NTM: variants seen among roughly 807,000 people sequenced by gnomAD.
The protein encoded by NTM is IgLON family member 2.
NTM carries 13 observed loss-of-function variants against 42.1 expected under a neutral mutation model. That is an observed-to-expected ratio of 0.31 (90% CI 0.20 to 0.49). The LOEUF (loss-of-function observed/expected upper bound fraction) is 0.49, where lower values mean the gene tolerates loss of function less well. Among genes scored for constraint, NTM ranks in the 20% least tolerant of loss-of-function variants. The pLI, the probability that NTM is intolerant of heterozygous loss-of-function variation, is 0.99. For missense variants in NTM, 373 were observed against 452.8 expected (o/e 0.82, Z 1.60); for synonymous variants, 187 against 179.2 (o/e 1.04, Z -0.35).
chr11:131,851,532 C>CGTGCGT (rs1555154796), intron 1 of NTM, among the ~76,000 whole-genome samples: 1 of 146,702 alleles, frequency 6.8e-6, no homozygotes, highest in East Asian at 2.0e-4. Context: ...GTGAGAATGG[C>CGTGCGT]GTGTGTGTGT....
chr11:132,003,435 A>G lies in NTM; in HGVS notation c.167+91787A>G, dbSNP rs1328212077. 2.0e-5 allele frequency among the ~76,000 whole-genome samples: 3 copies of G among 152,006 alleles called. No homozygotes were observed. The highest frequency in any genetic ancestry group is 4.4e-5 in the Non-Finnish European group (3 of 68,008). On this transcript the variant is annotated intron_variant, in intron 2 of 8. Coordinates refer to ENST00000683400, the MANE Select transcript of NTM (RefSeq NM_001352005.2). This position sits in a 1 kb window ranked among gnomAD's most constrained non-coding sequence, Gnocchi z 6.0. Reference sequence around the variant, plus strand: ...TAATTTTTAAATTTTATGTAGAGACAGACTGTCCTTATATTTCCCAGGCTG... The same window carrying G: ...TAATTTTTAAATTTTATGTAGAGACGGACTGTCCTTATATTTCCCAGGCTG...
At chr11:131,967,647 G>C (rs1257094635) in intron 2 of NTM, among the ~76,000 whole-genome samples, 1 of 152,174 alleles carries the variant, frequency 6.6e-6, no homozygotes, top group Non-Finnish European at 1.5e-5. Context: ...GCAATCACCA[G>C]ATCAATAGAG....
intron 2 of NTM, among the ~76,000 whole-genome samples, chr11:132,009,927 T>A (rs1593679138): frequency 6.6e-6 from 1 of 152,200 alleles, no homozygotes; most frequent in Non-Finnish European, 1.5e-5. Context: ...TTACCCTTTT[T>A]TTCTGAGTTC....
chr11:131,548,858 T>C (rs779440248), intron 1 of NTM, among the ~76,000 whole-genome samples: 1 of 152,134 alleles, frequency 6.6e-6, no homozygotes, highest in Non-Finnish European at 1.5e-5. Context: ...ACCTGGGAAT[T>C]GGGGACACTG....
At chr11:131,671,604 C>T (rs925216541) in intron 1 of NTM, 5 of 985,254 alleles carry the variant, frequency 5.1e-6, no homozygotes, top group Admixed American at 6.1e-5. Flanking sequence ...GGCATATCTG[C>T]GACTTGGCAG....
chr11:132,066,292 C>A (rs2056471004), intron 2 of NTM, among the ~76,000 whole-genome samples: 1 of 152,208 alleles, frequency 6.6e-6, no homozygotes, highest in Admixed American at 6.5e-5. Context: ...ACCTGAGGAA[C>A]TGTTCCAAGG....
intron 2 of NTM, among the ~76,000 whole-genome samples, chr11:131,932,650 T>TA (rs2058752663): frequency 6.6e-6 from 1 of 152,126 alleles, no homozygotes; most frequent in Admixed American, 6.6e-5. Context: ...AGACAAGGAA[T>TA]AGGAGATGAT....
chr11:132,167,510 A>T (rs1242976716), intron 3 of NTM, among the ~76,000 whole-genome samples: 1 of 152,238 alleles, frequency 6.6e-6, no homozygotes, highest in African/African-American at 2.4e-5. Context: ...TTTAGCAAAC[A>T]AATGGGAGTA....
intron 2 of NTM, among the ~76,000 whole-genome samples, chr11:131,990,023 T>C (rs1416486547): frequency 2.0e-5 from 3 of 152,146 alleles, no homozygotes; most frequent in Non-Finnish European, 2.9e-5. Flanking sequence ...ATTACTGTTA[T>C]TATATGTAGC....
rs150990923 is a variant in NTM at position 131,527,038 on chromosome 11, C to A, written c.82+156150C>A. On this transcript the variant is annotated intron_variant, in intron 1 of 8. Transcript: ENST00000683400. The stretch of plus-strand genomic sequence containing the variant: ...TGATTTCAGTCCTATCTAGTCCGAG[C>A]AATGACAAGTCAGCCTGGCAACCTC... Among the ~76,000 whole-genome samples the A allele has an allele frequency of 2.0e-3, 297 of 152,302 alleles. 2 individuals carry two copies. Among genetic ancestry groups the A allele is most frequent in the African/African-American group, 6.9e-3 (287 of 41,582 alleles).
intron 3 of NTM, among the ~76,000 whole-genome samples, chr11:132,190,529 A>G (rs1409925391): frequency 6.6e-6 from 1 of 152,044 alleles, no homozygotes; most frequent in Non-Finnish European, 1.5e-5. Context: ...TGAGGTCAGG[A>G]GTTCAAGACC....
At chr11:131,743,479 G>A (rs1429397194) in intron 1 of NTM, among the ~76,000 whole-genome samples, 1 of 152,118 alleles carries the variant, frequency 6.6e-6, no homozygotes, top group Non-Finnish European at 1.5e-5. Context: ...TATACCACTA[G>A]AACCTTCATA....
At chr11:131,880,096 G>A (rs2049230549) in intron 1 of NTM, among the ~76,000 whole-genome samples, 1 of 152,168 alleles carries the variant, frequency 6.6e-6, no homozygotes, top group Non-Finnish European at 1.5e-5. Flanking sequence ...TCTCCCACAT[G>A]CACAAACACA....
intron 1 of NTM, among the ~76,000 whole-genome samples, chr11:131,851,160 G>A (rs969974849): frequency 6.6e-6 from 1 of 152,074 alleles, no homozygotes; most frequent in African/African-American, 2.4e-5. Context: ...AATTATTGGG[G>A]TCAAATGGAT....
At chr11:132,073,650 A>G (rs750170638) in intron 2 of NTM, among the ~76,000 whole-genome samples, 8 of 152,108 alleles carry the variant, frequency 5.3e-5, no homozygotes, top group Non-Finnish European at 1.0e-4. Context: ...ACTAACCATT[A>G]TGGTCAATTT....
chr11:132,086,142 G>C (rs2059674551), intron 2 of NTM, among the ~76,000 whole-genome samples: 1 of 151,934 alleles, frequency 6.6e-6, no homozygotes, highest in Non-Finnish European at 1.5e-5. Context: ...GGCTAATATG[G>C]TGAAAACCCG....
chr11:131,661,760 C>T (rs971825899), intron 1 of NTM, among the ~76,000 whole-genome samples: 1 of 151,998 alleles, frequency 6.6e-6, no homozygotes, highest in Non-Finnish European at 1.5e-5. Context: ...TGAAAATGCT[C>T]TTTTTTTTCC....
At chr11:131,803,990 A>G (rs920205892) in intron 1 of NTM, among the ~76,000 whole-genome samples, 1 of 152,132 alleles carries the variant, frequency 6.6e-6, no homozygotes, top group Admixed American at 6.5e-5. Flanking sequence ...CTCATCTTGC[A>G]TCTATAATTG....
chr11:131,419,027 T>C (rs543488216), intron 1 of NTM, among the ~76,000 whole-genome samples: 5 of 152,114 alleles, frequency 3.3e-5, no homozygotes, highest in Non-Finnish European at 7.3e-5. Context: ...AGCAACTCAC[T>C]TGGGTAAGCT....
Sources: gnomAD v4.1 joint callset for allele counts (sites outside exome capture counted in the v4.1 genomes callset) on GRCh38, gnomAD v4.1.1 for gene constraint, Gnocchi (gnomAD v3.1) non-coding constraint, MANE v1.5 for transcripts, NCBI Gene and HGNC (gene_info 2026-07-23, HGNC 2026-07-21) for gene names.